Variants in SGCD observed in about 807,000 individuals in gnomAD.
SGCD encodes delta-sarcoglycan.
SGCD carries 18 observed loss-of-function variants against 36.6 expected under a neutral mutation model. The ratio of observed to expected loss-of-function variants is 0.49; its 90% confidence interval spans 0.34 to 0.73. The LOEUF (loss-of-function observed/expected upper bound fraction) is 0.73. SGCD is among the 30% of genes least tolerant of loss of function. SGCD has a pLI of 0.01. For missense variants in SGCD, 387 were observed against 346.7 expected, an observed-to-expected ratio of 1.12 and a Z score of -0.92; for synonymous variants, 133 against 130.6, an observed-to-expected ratio of 1.02 and a Z score of -0.12.
intron 1 of SGCD, among the ~76,000 whole-genome samples, chr5:156,047,948 A>G (rs1759815040): frequency 6.6e-6 from 1 of 152,016 alleles, no homozygotes; most frequent in African/African-American, 2.4e-5. Context: ...CATTAGGTAT[A>G]TCTCCTAATG....
intron 3 of SGCD, among the ~76,000 whole-genome samples, chr5:156,146,946 A>G (rs1301809965): frequency 6.6e-6 from 1 of 152,228 alleles, no homozygotes; most frequent in Non-Finnish European, 1.5e-5. Flanking sequence ...TCATCCTTAA[A>G]GACTTACTTT....
At chr5:156,080,356 T>C (rs1760918802) in intron 1 of SGCD, among the ~76,000 whole-genome samples, 1 of 152,222 alleles carries the variant, frequency 6.6e-6, no homozygotes, top group South Asian at 2.1e-4. Context: ...TCTTGGCTAA[T>C]TGCACTTGCC....
intron 4 of SGCD, among the ~76,000 whole-genome samples, chr5:156,577,333 G>A (rs1437997151): frequency 6.6e-6 from 1 of 152,180 alleles, no homozygotes; most frequent in Non-Finnish European, 1.5e-5. Flanking sequence ...TTGTGGAATG[G>A]TTTGAAGTCA....
intron 1 of SGCD, among the ~76,000 whole-genome samples, chr5:156,041,739 A>G (rs1759640311): frequency 1.3e-5 from 2 of 152,190 alleles, no homozygotes; most frequent in South Asian, 4.1e-4. Flanking sequence ...GGTTTCCTGT[A>G]AGGAAGATCA....
chr5:156,298,676 C>T (rs1021783191), intron 3 of SGCD, among the ~76,000 whole-genome samples: 14 of 151,016 alleles, frequency 9.3e-5, no homozygotes, highest in African/African-American at 3.4e-4. Flanking sequence ...GATGATCCAC[C>T]CACCTCAGCC....
chr5:156,120,470 T>C (rs1036227408), intron 2 of SGCD, among the ~76,000 whole-genome samples: 11 of 152,180 alleles, frequency 7.2e-5, no homozygotes, highest in Non-Finnish European at 1.6e-4. Flanking sequence ...GAAAAACTGC[T>C]AGAACAAAGG....
chr5:156,620,637 G>A (rs929786574), intron 6 of SGCD, among the ~76,000 whole-genome samples: 3 of 152,148 alleles, frequency 2.0e-5, no homozygotes, highest in East Asian at 3.8e-4. Context: ...GCAAGTGCAA[G>A]GGAATGAGAA....
intron 3 of SGCD, among the ~76,000 whole-genome samples, chr5:156,441,331 A>AT (rs61683141): frequency 0.65 from 99,034 of 151,644 alleles, 32,806 homozygotes; most frequent in Middle Eastern, 0.87. Context: ...CCTTGAGCAA[A>AT]TTAACATATG....
chr5:155,820,815 A>G, the SGCD span, among the ~76,000 whole-genome samples: 1 of 152,182 alleles, frequency 6.6e-6, no homozygotes, highest in Non-Finnish European at 1.5e-5. Flanking sequence ...CCAAGTGACC[A>G]TCACCAGAGA....
At chr5:156,261,736 T>C (rs1379103395) in intron 3 of SGCD, among the ~76,000 whole-genome samples, 2 of 152,170 alleles carry the variant, frequency 1.3e-5, no homozygotes, top group Non-Finnish European at 2.9e-5. Flanking sequence ...GTTATTGCCC[T>C]TGAAAGACCT....
chr5:156,359,968 C>T (rs942479784), intron 3 of SGCD, among the ~76,000 whole-genome samples: 2 of 152,170 alleles, frequency 1.3e-5, no homozygotes, highest in African/African-American at 4.8e-5. Context: ...CCAGACTTCT[C>T]AAATTCTTGG....
At chr5:156,102,426 T>G (rs2127597062) in intron 1 of SGCD, among the ~76,000 whole-genome samples, 1 of 152,288 alleles carries the variant, frequency 6.6e-6, no homozygotes, top group South Asian at 2.1e-4. Context: ...TTTAGTTGAT[T>G]ACCTAGAATT....
rs561328077 is a variant in SGCD at position 156,056,645 on chromosome 5, T to TAAAAA, written c.-281-61217_-281-61213dup. 1.3e-3 allele frequency among the ~76,000 whole-genome samples: 89 copies of TAAAAA among 68,264 alleles called. 3 individuals carry two copies. The highest frequency in any genetic ancestry group is 8.9e-3 in the East Asian group (14 of 1,570). 44.8% of individuals were successfully genotyped at this position (68,264 alleles called of 152,430 possible). On this transcript the variant is annotated intron_variant, in intron 1 of 9. Transcript: ENST00000517913. The stretch of plus-strand genomic sequence containing the variant: ...GGTCCCCTACCTGCCAAATTATCCT[T>TAAAAA]AAAAAAAAAAAAAAAAAAAACAGTC...
chr5:156,153,205 A>T (rs919072579), intron 3 of SGCD, among the ~76,000 whole-genome samples: 4 of 151,452 alleles, frequency 2.6e-5, no homozygotes, highest in African/African-American at 9.8e-5. Context: ...AGTCATAGAT[A>T]AGTAGCCTTG....
At chr5:155,801,054 A>G in the SGCD span, among the ~76,000 whole-genome samples, 1 of 152,040 alleles carries the variant, frequency 6.6e-6, no homozygotes, top group Non-Finnish European at 1.5e-5. Context: ...TCTGGTGTTC[A>G]TCTCTCTTCC....
chr5:156,085,238 C>T (rs1455832816), intron 1 of SGCD, among the ~76,000 whole-genome samples: 14 of 152,028 alleles, frequency 9.2e-5, no homozygotes, highest in Non-Finnish European at 1.3e-4. Flanking sequence ...GATGCGGTTT[C>T]AATATGTGTC....
At chr5:155,952,398 G>T (rs927587739) in intron 1 of SGCD, among the ~76,000 whole-genome samples, 2 of 151,864 alleles carry the variant, frequency 1.3e-5, no homozygotes, top group Non-Finnish European at 2.9e-5. Context: ...CTTTATGTTA[G>T]TTGGCCTTTA....
At chr5:155,741,000 CA>C in the SGCD span, among the ~76,000 whole-genome samples, 330 of 152,124 alleles carry the variant, frequency 2.2e-3, 2 homozygotes, top group African/African-American at 7.6e-3. Context: ...TTTAGTGGGA[CA>C]GAAGTCACAG....
At chr5:155,765,050 G>A in the SGCD span, among the ~76,000 whole-genome samples, 1 of 152,020 alleles carries the variant, frequency 6.6e-6, no homozygotes. Flanking sequence ...AGGTTGAGGT[G>A]GGAAGATCAC....
Sources: allele counts gnomAD v4.1 joint callset (sites outside exome capture counted in the v4.1 genomes callset), GRCh38; gene constraint gnomAD v4.1.1; transcripts MANE v1.5; gene names NCBI Gene and HGNC (gene_info 2026-07-23, HGNC 2026-07-21).